The following MYRIP variants were observed in gnomAD, a reference collection of about 807,000 sequenced individuals.
MYRIP encodes the protein myosin VIIA and Rab interacting protein, also known as rab effector MyRIP.
A neutral mutation model predicts 98.0 loss-of-function variants in MYRIP; 49 were observed. That is an observed-to-expected ratio of 0.50 (90% confidence interval 0.40 to 0.63). The LOEUF is 0.63. MYRIP is among the 30% of genes least tolerant of loss of function. MYRIP has a pLI of 0.00. For missense variants in MYRIP, 1,004 were observed against 1,058.2 expected (o/e 0.95, Z 0.71); for synonymous variants, 404 against 409.5 (o/e 0.99, Z 0.16).
rs138486985 is a variant in MYRIP, at chr3:40,151,984, C to T, written c.469+800C>T. 8.9e-3 allele frequency among the ~76,000 whole-genome samples: 1,351 copies of T among 152,216 alleles called. 16 individuals are homozygous for T. The highest frequency in any genetic ancestry group is 0.026 in the South Asian group (124 of 4,814). On this transcript the variant is annotated intron_variant, in intron 4 of 16. Coordinates refer to ENST00000302541, the MANE Select transcript of MYRIP (RefSeq NM_015460.4). ...TTCTCAATAAAGTCTTTGGTTGTAT[C>T]TTATCTAAAAATATGTCAGCCACTT...
chr3:40,138,718 T>C (rs1360231316), intron 3 of MYRIP, among the ~76,000 whole-genome samples: 1 of 152,202 alleles, frequency 6.6e-6, no homozygotes. Flanking sequence ...TACATAGTGA[T>C]ATTTTGATAC....
chr3:40,255,941 TA>T (rs982326035), intron 16 of MYRIP, among the ~76,000 whole-genome samples: 3 of 152,146 alleles, frequency 2.0e-5, no homozygotes, highest in African/African-American at 7.2e-5. Flanking sequence ...TTCCAAAAAG[TA>T]AACAAACCCT....
intron 8 of MYRIP, chr3:40,173,540 G>A (rs1338003322): frequency 6.6e-6 from 1 of 152,366 alleles, no homozygotes; most frequent in Non-Finnish European, 1.5e-5. Flanking sequence ...ACAGGCAATA[G>A]TGTTCCCGTT....
At chr3:40,141,649 A>T (rs1235944971) in intron 3 of MYRIP, among the ~76,000 whole-genome samples, 1 of 152,190 alleles carries the variant, frequency 6.6e-6, no homozygotes, top group East Asian at 1.9e-4. Flanking sequence ...GTCTAGTTTC[A>T]TAATTCTGTA....
Position 39,830,603 on chromosome 3 carries a change from A to G in MYRIP, c.-31+20687A>G, listed in dbSNP as rs377764637. On this transcript the variant is annotated intron_variant, in intron 1 of 16. Coordinates refer to ENST00000302541, the MANE Select transcript of MYRIP (RefSeq NM_015460.4). The stretch of plus-strand genomic sequence containing the variant: ...TCTGCTGCCCTTTGTTCTGTGACCA[A>G]TATGAAATGTCGCTCCACTCCCTAG... 8.3e-4 allele frequency among the ~76,000 whole-genome samples: 126 copies of G among 152,260 alleles called. 4 individuals carry two copies. Among genetic ancestry groups the G allele is most frequent in the African/African-American group, 3.0e-3 (124 of 41,534 alleles).
chr3:40,145,409 C>G (rs1949986969), intron 3 of MYRIP, among the ~76,000 whole-genome samples: 2 of 152,176 alleles, frequency 1.3e-5, no homozygotes, highest in Admixed American at 1.3e-4. Context: ...TTTTCTCCCA[C>G]CATGAGGAAG....
intron 1 of MYRIP, among the ~76,000 whole-genome samples, chr3:39,827,328 G>T (rs972300979): frequency 6.6e-6 from 1 of 152,102 alleles, no homozygotes; most frequent in Admixed American, 6.5e-5. Flanking sequence ...CACTAGGCGG[G>T]TCTCAAACTC....
chr3:40,116,988 G>A (rs1949295123), intron 3 of MYRIP, among the ~76,000 whole-genome samples: 1 of 152,112 alleles, frequency 6.6e-6, no homozygotes, highest in African/African-American at 2.4e-5. Context: ...TCTCTTGTGT[G>A]TTCTTTCCCT....
chr3:40,223,173 G>A (rs545678989), intron 11 of MYRIP, among the ~76,000 whole-genome samples: 1 of 152,142 alleles, frequency 6.6e-6, no homozygotes, highest in African/African-American at 2.4e-5. Context: ...TAGGTTAGAG[G>A]TTTAATGCAA....
intron 2 of MYRIP, among the ~76,000 whole-genome samples, chr3:39,910,366 C>T (rs562491145): frequency 6.6e-6 from 1 of 152,268 alleles, no homozygotes; most frequent in East Asian, 1.9e-4. Context: ...CATTCAGGTG[C>T]CGTGGGATAG....
At chr3:40,146,284 A>G (rs948329637) in intron 3 of MYRIP, among the ~76,000 whole-genome samples, 4 of 152,180 alleles carry the variant, frequency 2.6e-5, no homozygotes, top group African/African-American at 7.2e-5. Flanking sequence ...CAAAGGCCTG[A>G]ATGAAGTGTC....
At chr3:40,158,728 T>C (rs1048128299) in intron 4 of MYRIP, among the ~76,000 whole-genome samples, 2 of 151,798 alleles carry the variant, frequency 1.3e-5, no homozygotes, top group Non-Finnish European at 2.9e-5. Flanking sequence ...TCTTGTTGAA[T>C]TGATCCCTTT....
chr3:39,874,245 G>A (rs980634516), intron 1 of MYRIP, among the ~76,000 whole-genome samples: 16 of 152,142 alleles, frequency 1.1e-4, no homozygotes, highest in Non-Finnish European at 2.1e-4. Context: ...TTTGGGCTGA[G>A]ACAATGGGGT....
At chr3:40,213,444 T>A (rs1952021732) in intron 11 of MYRIP, among the ~76,000 whole-genome samples, 1 of 152,158 alleles carries the variant, frequency 6.6e-6, no homozygotes, top group African/African-American at 2.4e-5. Flanking sequence ...CTGATCCCCA[T>A]CAACACTTGC....
chr3:40,058,961 G>A (rs1455523792), intron 3 of MYRIP, among the ~76,000 whole-genome samples: 1 of 147,400 alleles, frequency 6.8e-6, no homozygotes, highest in East Asian at 2.0e-4. Context: ...AGGCCCCGGT[G>A]TGTGATGTTC....
At chr3:39,898,026 C>T (rs895602577) in intron 1 of MYRIP, among the ~76,000 whole-genome samples, 1 of 152,244 alleles carries the variant, frequency 6.6e-6, no homozygotes, top group East Asian at 1.9e-4. Context: ...AAGGAAGAAT[C>T]AGTCTGCATT....
At chr3:40,051,119 A>C (rs921518259) in intron 3 of MYRIP, among the ~76,000 whole-genome samples, 3 of 152,202 alleles carry the variant, frequency 2.0e-5, no homozygotes, top group Non-Finnish European at 2.9e-5. Flanking sequence ...GAGAGGATTG[A>C]CTTCAACTTT....
intron 11 of MYRIP, among the ~76,000 whole-genome samples, chr3:40,218,643 TATATATATATATAC>T: frequency 1.3e-5 from 1 of 76,644 alleles, no homozygotes; most frequent in African/African-American, 3.7e-5. Flanking sequence ...TATATATATA[TATATATATATATAC>T]ATACACACAC....
intron 4 of MYRIP, among the ~76,000 whole-genome samples, chr3:40,161,303 T>C (rs1950389794): frequency 6.6e-6 from 1 of 152,206 alleles, no homozygotes; most frequent in Non-Finnish European, 1.5e-5. Context: ...AGAGAGGTGT[T>C]GTACTAGAAG....
Sources: gnomAD v4.1 joint callset for allele counts (sites outside exome capture counted in the v4.1 genomes callset) on GRCh38, gnomAD v4.1.1 for gene constraint, MANE v1.5 for transcripts, NCBI Gene and HGNC (gene_info 2026-07-23, HGNC 2026-07-21) for gene names.